Variants in CLDN14 observed in about 807,000 individuals in gnomAD.
CLDN14 encodes claudin-14.
A neutral mutation model predicts 2.1 loss-of-function variants in CLDN14; 2 were observed. The observed-to-expected ratio is 0.96, with a 90% confidence interval of 0.39 to 3.01. The LOEUF is 3.01. CLDN14 is among the 30% of genes most tolerant of loss of function. The probability of loss-of-function intolerance (pLI) is 0.09; values close to 1 mark genes in which losing one functional copy is unlikely to be tolerated. For synonymous variants in CLDN14, 136 were observed against 154.4 expected, an observed-to-expected ratio of 0.88 and a Z score of 0.88; for missense variants, 298 against 328.0, an observed-to-expected ratio of 0.91 and a Z score of 0.71.
intron 1 of CLDN14, among the ~76,000 whole-genome samples, chr21:36,562,685 A>G (rs1211118022): frequency 8.4e-6 from 1 of 118,848 alleles, no homozygotes; most frequent in Non-Finnish European, 1.8e-5. Context: ...AGGATCCCCT[A>G]TCCATTCTGT....
rs2086827581 is a variant in CLDN14, at chr21:36,479,954, G to A, written c.-541C>T. 1 of 152,276 alleles carries A rather than the reference G, an allele frequency of 6.6e-6. No homozygotes were observed. The highest frequency in any genetic ancestry group is 6.5e-5 in the Admixed American group (1 of 15,276). 9.4% of individuals were successfully genotyped at this position (152,276 alleles called of 1,614,324 possible). A position where few individuals can be genotyped will look rare whatever the true frequency, so the allele number is the denominator to read the frequency against. On this transcript the variant is annotated 5_prime_UTR_variant, in exon 1 of 2. An upstream open reading frame in the 5' UTR gains an earlier in-frame stop. Transcript: ENST00000399135. The stretch of plus-strand genomic sequence containing the variant: ...CCAGGCTCTCGGCTCCGGGTCCATT[G>A]GCTGTTCACACTCACTTCCCTGTGT...
At chr21:36,541,798 G>C (rs889486076) in intron 1 of CLDN14, among the ~76,000 whole-genome samples, 1 of 152,168 alleles carries the variant, frequency 6.6e-6, no homozygotes, top group Non-Finnish European at 1.5e-5. Context: ...GTGTCTTACT[G>C]TCTTAGGTTT....
intron 2 of CLDN14, among the ~76,000 whole-genome samples, chr21:36,491,113 CCT>C (rs1296456401): frequency 2.6e-5 from 4 of 152,270 alleles, no homozygotes; most frequent in East Asian, 3.9e-4. Context: ...CATCTCCTCC[CCT>C]GTTTTTAGTA....
intron 2 of CLDN14, among the ~76,000 whole-genome samples, chr21:36,489,051 A>G (rs1047149846): frequency 2.7e-5 from 4 of 149,568 alleles, no homozygotes; most frequent in Non-Finnish European, 3.0e-5. Flanking sequence ...TGGAAGTTGC[A>G]ATAAGTCGAG....
At chr21:36,539,139 T>C (rs1432219956) in intron 1 of CLDN14, among the ~76,000 whole-genome samples, 1 of 152,244 alleles carries the variant, frequency 6.6e-6, no homozygotes, top group African/African-American at 2.4e-5. Flanking sequence ...CAGTCACATA[T>C]TCATTCATTT....
intron 1 of CLDN14, among the ~76,000 whole-genome samples, chr21:36,555,721 C>A (rs1226843995): frequency 6.6e-6 from 1 of 152,018 alleles, no homozygotes; most frequent in Non-Finnish European, 1.5e-5. Context: ...CCATTTTTAG[C>A]TTTACCAGAA....
chr21:36,527,390 G>A (rs766351154), intron 1 of CLDN14, among the ~76,000 whole-genome samples: 10 of 152,272 alleles, frequency 6.6e-5, no homozygotes, highest in Middle Eastern at 3.4e-3. Context: ...GTGTAGCTGC[G>A]TCCAGAATAA....
intron 2 of CLDN14, among the ~76,000 whole-genome samples, chr21:36,508,505 C>T (rs188178670): frequency 1.3e-5 from 2 of 152,210 alleles, no homozygotes; most frequent in Admixed American, 1.3e-4. Flanking sequence ...TTATAAAGAC[C>T]CATAGAGCAC....
intron 2 of CLDN14, chr21:36,486,294 A>G: frequency 2.5e-6 from 2 of 803,522 alleles, no homozygotes; most frequent in East Asian, 2.4e-5. Context: ...GGTATGGCCA[A>G]ACTCTTGTTG....
intron 1 of CLDN14, among the ~76,000 whole-genome samples, chr21:36,540,859 T>C (rs563301009): frequency 1.3e-5 from 2 of 152,310 alleles, no homozygotes; most frequent in East Asian, 3.9e-4. Flanking sequence ...ACTTGGGTTT[T>C]AAAAGGCCAC....
At chr21:36,489,940 C>T (rs1388669870) in intron 2 of CLDN14, among the ~76,000 whole-genome samples, 1 of 152,218 alleles carries the variant, frequency 6.6e-6, no homozygotes, top group African/African-American at 2.4e-5. Context: ...ACTGAGCCCT[C>T]AACCAGGAGC....
chr21:36,535,782 T>A (rs1000742205), intron 1 of CLDN14, among the ~76,000 whole-genome samples: 1 of 152,232 alleles, frequency 6.6e-6, no homozygotes, highest in African/African-American at 2.4e-5. Context: ...TATAAGCAAC[T>A]GAAAAATTAT....
rs1219094667 is a variant in CLDN14 at position 36,498,077 on chromosome 21, G to A, written c.-82+12286C>T. Among the ~76,000 whole-genome samples the A allele has an allele frequency of 1.3e-5, 2 of 151,644 alleles. No individual in the cohort carries two copies. Among genetic ancestry groups the A allele is most frequent in the African/African-American group, 2.4e-5 (1 of 41,232 alleles). On this transcript the variant is annotated intron_variant, in intron 2 of 2. Transcript: ENST00000342108. This position sits in a 1 kb window ranked among gnomAD's most constrained non-coding sequence, Gnocchi z 4.9. ...TGCAGTGGTGCAATCTTGGCTCACTGCAACCTCCACCGCCCGGGGTTCAAG... is the reference window on the plus strand; with the variant it reads ...TGCAGTGGTGCAATCTTGGCTCACTACAACCTCCACCGCCCGGGGTTCAAG...
intron 1 of CLDN14, among the ~76,000 whole-genome samples, chr21:36,511,462 A>G (rs1427380539): frequency 6.6e-6 from 1 of 152,124 alleles, no homozygotes; most frequent in Non-Finnish European, 1.5e-5. Context: ...TTTTTCCATA[A>G]TCAATAGTAG....
intron 1 of CLDN14, chr21:36,532,139 G>A (rs895036400): frequency 7.2e-5 from 11 of 152,126 alleles, no homozygotes; most frequent in African/African-American, 2.2e-4. Flanking sequence ...AACAACACCC[G>A]AGTGTGGCAT....
At chr21:36,470,673 A>T (rs1366472248) in intron 1 of CLDN14, among the ~76,000 whole-genome samples, 1 of 152,178 alleles carries the variant, frequency 6.6e-6, no homozygotes, top group African/African-American at 2.4e-5. Flanking sequence ...TGGCACGGGG[A>T]ATTACAGAGA....
At chr21:36,525,788 T>C (rs1380275670) in intron 1 of CLDN14, among the ~76,000 whole-genome samples, 1 of 152,088 alleles carries the variant, frequency 6.6e-6, no homozygotes, top group Non-Finnish European at 1.5e-5. Context: ...TGCCCTCTCA[T>C]CAGGAACGGT....
chr21:36,486,087 C>A, intron 2 of CLDN14: 1 of 1,369,086 alleles, frequency 7.3e-7, no homozygotes, highest in Non-Finnish European at 1.0e-6. Flanking sequence ...GGATCCACAC[C>A]TGGGAGGTTC....
chr21:36,470,365 TAGAA>T (rs1292389524), intron 1 of CLDN14, among the ~76,000 whole-genome samples: 3 of 151,942 alleles, frequency 2.0e-5, no homozygotes, highest in African/African-American at 4.8e-5. Context: ...AAGACGGAGA[TAGAA>T]AGAACATGTG....
Sources: allele counts gnomAD v4.1 joint callset (sites outside exome capture counted in the v4.1 genomes callset), GRCh38; gene constraint gnomAD v4.1.1; non-coding constraint Gnocchi (gnomAD v3.1); transcripts MANE v1.5; gene names NCBI Gene and HGNC (gene_info 2026-07-23, HGNC 2026-07-21).